The following UGT1A7 variants were observed in gnomAD, a reference collection of about 807,000 sequenced individuals.
The protein encoded by UGT1A7 is UDP glucuronosyltransferase family 1 member A7, also known as UDP-glucuronosyltransferase 1A7.
A neutral mutation model predicts 45.6 loss-of-function variants in UGT1A7; 33 were observed. The observed-to-expected ratio is 0.72, with a 90% CI of 0.55 to 0.97. The LOEUF is 0.97. Among genes scored for constraint, UGT1A7 ranks in the 50% least tolerant of loss-of-function variants. UGT1A7 has a pLI of 0.00. For missense variants in UGT1A7, 684 were observed against 666.2 expected (o/e 1.03, Z -0.29); for synonymous variants, 274 against 250.6 (o/e 1.09, Z -0.88).
In UGT1A7 at chr2:233,682,754, G is replaced by A. The variant is rs1259249288; in HGVS notation, c.817G>A (p.Gly273Ser). 18 of 1,613,802 alleles carry A rather than the reference G, an allele frequency of 1.1e-5. No individual in the cohort carries two copies. The highest frequency in any genetic ancestry group is 1.4e-5 in the Non-Finnish European group (16 of 1,179,800). The change falls in exon 1 of 5, where the codon GGT becomes AGT. Residue 273 changes from glycine (G) to serine (S), a missense_variant. Coordinates refer to ENST00000373426, the MANE Select transcript of UGT1A7 (RefSeq NM_019077.3). Reference sequence around the variant, plus strand: ...CGTGATGCCCAATATGATCTTCATTGGTGGTATCAACTGTCATCAGGGAAA... The same window carrying A: ...CGTGATGCCCAATATGATCTTCATTAGTGGTATCAACTGTCATCAGGGAAA... ...KPVMPNMIFI[G>S]GINCHQGKPV...
At chr2:233,695,221 G>A (rs1260804577) in intron 1 of UGT1A7, among the ~76,000 whole-genome samples, 1 of 150,756 alleles carries the variant, frequency 6.6e-6, no homozygotes, top group Admixed American at 6.6e-5. Flanking sequence ...CACCTCCTGG[G>A]TTCAAGCGAT....
chr2:233,727,759 G>T (rs2077649754), intron 1 of UGT1A7, among the ~76,000 whole-genome samples: 1 of 152,172 alleles, frequency 6.6e-6, no homozygotes. Flanking sequence ...CTGCCCTTGA[G>T]CTGGGTGTCC....
chr2:233,755,110 C>T, intron 1 of UGT1A7: 1 of 1,333,642 alleles, frequency 7.5e-7, no homozygotes, highest in Non-Finnish European at 1.0e-6. Flanking sequence ...GACAACACCT[C>T]GTAGGCCTCA....
At chr2:233,757,303 G>A (rs1346705101) in intron 1 of UGT1A7, among the ~76,000 whole-genome samples, 3 of 111,204 alleles carry the variant, frequency 2.7e-5, no homozygotes, top group African/African-American at 6.7e-5. Flanking sequence ...GGGGTTGGGG[G>A]ACAGGGGGGC....
Position 233,729,571 on chromosome 2 carries a change from G to A in UGT1A7, c.856-37463G>A, listed in dbSNP as rs965988508. The A allele has an allele frequency of 3.7e-6, 6 of 1,613,982 alleles. No individual in the cohort carries two copies. In the African/African-American group the frequency reaches 6.7e-5, roughly 18 times the overall value. ...CCTGAATGCTACTTCCTTTGATGTG[G>A]TTTTAACAGACCCCGTTAACCTCTG... On this transcript the variant is annotated intron_variant, in intron 1 of 4. Transcript: ENST00000373426.
chr2:233,752,951 A>G (rs745809226), intron 1 of UGT1A7, among the ~76,000 whole-genome samples: 1 of 152,216 alleles, frequency 6.6e-6, no homozygotes, highest in Admixed American at 6.5e-5. Flanking sequence ...CCACTGAACA[A>G]TGGGATTTAT....
At chr2:233,724,300 C>T (rs1204740758) in intron 1 of UGT1A7, among the ~76,000 whole-genome samples, 3 of 143,888 alleles carry the variant, frequency 2.1e-5, no homozygotes, top group African/African-American at 5.1e-5. Flanking sequence ...GACCCCCCCA[C>T]CTCCCTCCCG....
In UGT1A7 at chr2:233,760,202, A is replaced by ACAT. The variant is rs1697345011; in HGVS notation, c.856-6831_856-6829dup. ...TTTTATAGTCACGTGACACAGTCAA[A>ACAT]CATTAACTTGGTGTATCGATTGGTT... is the stretch of plus-strand genomic sequence containing the variant. On this transcript the variant is annotated intron_variant, in intron 1 of 4. Transcript: ENST00000373426. The ACAT allele has an allele frequency of 2.7e-5, 43 of 1,583,728 alleles. No homozygotes were observed. In the South Asian group the frequency reaches 4.6e-4, roughly 17 times the overall value.
intron 3 of UGT1A7, 48 bp from the exon 4 acceptor site, chr2:233,768,172 G>C: frequency 6.2e-6 from 10 of 1,613,786 alleles, no homozygotes; most frequent in South Asian, 1.1e-5. Context: ...GTCCAGCTGT[G>C]AAACTCAGAG....
At chr2:233,755,104 A>G in intron 1 of UGT1A7, 1 of 1,334,996 alleles carries the variant, frequency 7.5e-7, no homozygotes, top group African/African-American at 1.5e-5. Flanking sequence ...GCGTCCGACA[A>G]CACCTCGTAG....
At chr2:233,730,331 T>C (rs1430644008) in intron 1 of UGT1A7, among the ~76,000 whole-genome samples, 1 of 152,142 alleles carries the variant, frequency 6.6e-6, no homozygotes, top group African/African-American at 2.4e-5. Flanking sequence ...GACACTACGT[T>C]TGGAACTGAT....
chr2:233,721,250 A>G (rs1349740606), intron 1 of UGT1A7, among the ~76,000 whole-genome samples: 1 of 152,166 alleles, frequency 6.6e-6, no homozygotes, highest in East Asian at 1.9e-4. Context: ...TAAAAAATAT[A>G]TATGTTCTTT....
At chr2:233,721,362 A>G (rs1341884248) in intron 1 of UGT1A7, among the ~76,000 whole-genome samples, 1 of 152,182 alleles carries the variant, frequency 6.6e-6, no homozygotes, top group Non-Finnish European at 1.5e-5. Flanking sequence ...ACTGAACTGC[A>G]CTGGCTCAAA....
chr2:233,740,484 TC>T (rs1034882349), intron 1 of UGT1A7, among the ~76,000 whole-genome samples: 1 of 151,900 alleles, frequency 6.6e-6, no homozygotes, highest in African/African-American at 2.4e-5. Flanking sequence ...CATTCCCTCT[TC>T]CAGATGCTTT....
At chr2:233,759,465 A>T (rs1383052277) in intron 1 of UGT1A7, among the ~76,000 whole-genome samples, 2 of 152,106 alleles carry the variant, frequency 1.3e-5, no homozygotes, top group Non-Finnish European at 2.9e-5. Flanking sequence ...GCCACTCAAG[A>T]TCTATCTTAC....
intron 1 of UGT1A7, among the ~76,000 whole-genome samples, chr2:233,702,673 C>T (rs1237832441): frequency 6.6e-6 from 1 of 152,056 alleles, no homozygotes; most frequent in East Asian, 1.9e-4. Flanking sequence ...CTTATCATAC[C>T]TGAGGTGTTT....
intron 1 of UGT1A7, among the ~76,000 whole-genome samples, chr2:233,759,599 A>ACCCCCCCCCCCCCCCCCC (rs1553620419): frequency 9.2e-6 from 1 of 108,664 alleles, no homozygotes; most frequent in African/African-American, 3.3e-5. Flanking sequence ...CCCACCCCCG[A>ACCCCCCCCCCCCCCCCCC]CCCGCCCCAC....
intron 1 of UGT1A7, chr2:233,693,388 C>A: frequency 2.5e-6 from 4 of 1,614,150 alleles, no homozygotes; most frequent in South Asian, 1.1e-5. Context: ...ACTGCCAGAG[C>A]CTCCTGCAGG....
chr2:233,729,091 G>T (rs745755811), intron 1 of UGT1A7: 4 of 1,612,602 alleles, frequency 2.5e-6, no homozygotes, highest in African/African-American at 2.7e-5. Flanking sequence ...GGCACAGCGT[G>T]GGGTGGACAG....
Sources: gnomAD v4.1 joint callset for allele counts (sites outside exome capture counted in the v4.1 genomes callset) on GRCh38, gnomAD v4.1.1 for gene constraint, MANE v1.5 for transcripts, NCBI Gene and HGNC (gene_info 2026-07-23, HGNC 2026-07-21) for gene names.